Variants in PHF24 observed in about 807,000 individuals in gnomAD.
PHF24 encodes the protein Galpha inhibitory interacting protein.
Under a neutral mutation model 42.6 loss-of-function variants are expected in PHF24, and 25 were observed. That is an observed-to-expected ratio of 0.59 (90% CI 0.43 to 0.82). PHF24 has a LOEUF of 0.82. Among genes scored for constraint, PHF24 ranks in the 40% least tolerant of loss-of-function variants. The probability of loss-of-function intolerance (pLI) is 0.00; values close to 1 mark genes in which losing one functional copy is unlikely to be tolerated. For synonymous variants in PHF24, 185 were observed against 204.8 expected (o/e 0.90, Z 0.83); for missense variants, 470 against 538.1 (o/e 0.87, Z 1.25).
chr9:34,976,589 G>A lies in PHF24; in HGVS notation c.698G>A (p.Arg233Gln), dbSNP rs1015605624. The A allele has an allele frequency of 1.7e-5, 27 of 1,613,998 alleles. No individual in the cohort carries two copies. Among genetic ancestry groups the A allele is most frequent in the African/African-American group, 4.0e-5 (3 of 74,932 alleles). ...CGTTACCGCCACCAAGCAGCCAAGC[G>A]GGGGGACCGTGACAGGGCCCTGAGT... The change falls in exon 5 of 8, where the codon CGG (arginine) becomes CAG (glutamine). Residue 233 changes from arginine (R) to glutamine (Q), a missense_variant. Transcript: ENST00000242315.
At chr9:34,711,982 G>C in the PHF24 span, among the ~76,000 whole-genome samples, 1 of 152,142 alleles carries the variant, frequency 6.6e-6, no homozygotes, top group East Asian at 1.9e-4. Context: ...TCTCCCGTTA[G>C]CTTTTCTTGT....
rs573629971 is a variant in PHF24, at chr9:34,977,009, G to A, written c.850-74G>A. ...TAAGGGAGGTTGCAAAGGTGGTAAT[G>A]GAGATAGGATTCTCTATGGCTTGGC... On this transcript the variant is annotated intron_variant, in intron 5 of 7. Coordinates refer to ENST00000242315, the Ensembl canonical transcript of PHF24. 6 of 1,481,234 alleles carry A rather than the reference G, an allele frequency of 4.1e-6. No homozygotes were observed. In the African/African-American group the frequency reaches 4.2e-5, roughly 10 times the overall value. 91.8% of individuals were successfully genotyped at this position (1,481,234 alleles called of 1,614,324 possible).
chr9:34,883,977 A>G, the PHF24 span, among the ~76,000 whole-genome samples: 1 of 152,248 alleles, frequency 6.6e-6, no homozygotes, highest in Admixed American at 6.5e-5. Context: ...AATGTCCATC[A>G]GTGATAGACT....
At chr9:34,870,046 T>A in the PHF24 span, among the ~76,000 whole-genome samples, 1 of 152,162 alleles carries the variant, frequency 6.6e-6, no homozygotes, top group Non-Finnish European at 1.5e-5. Context: ...GTTGTTTTTT[T>A]AAATTAATAA....
At chr9:34,666,036 C>T in the PHF24 span, 4 of 320,766 alleles carry the variant, frequency 1.2e-5, no homozygotes, top group Non-Finnish European at 2.3e-5. Context: ...CCTGGCTCCA[C>T]CCCGGAAACG....
chr9:34,666,900 G>A, the PHF24 span, among the ~76,000 whole-genome samples: 1 of 152,124 alleles, frequency 6.6e-6, no homozygotes, highest in South Asian at 2.1e-4. Flanking sequence ...AGCTGAGATC[G>A]CACCACTGCA....
At chr9:34,676,554 G>T in the PHF24 span, among the ~76,000 whole-genome samples, 4 of 152,178 alleles carry the variant, frequency 2.6e-5, no homozygotes, top group African/African-American at 9.7e-5. Flanking sequence ...CTACTTCTGG[G>T]TTCCAGGCTG....
At chr9:34,741,751 C>T in the PHF24 span, among the ~76,000 whole-genome samples, 2 of 152,228 alleles carry the variant, frequency 1.3e-5, no homozygotes, top group Non-Finnish European at 2.9e-5. Context: ...CTTCTATTTG[C>T]TTTTCATCCT....
At chr9:34,802,726 G>A in the PHF24 span, among the ~76,000 whole-genome samples, 3 of 152,178 alleles carry the variant, frequency 2.0e-5, no homozygotes, top group African/African-American at 4.8e-5. Context: ...AATTCCCTAT[G>A]TGGACAGGAT....
chr9:34,892,192 A>G, the PHF24 span, among the ~76,000 whole-genome samples: 1 of 152,146 alleles, frequency 6.6e-6, no homozygotes, highest in Non-Finnish European at 1.5e-5. Context: ...GCTGAAAGAG[A>G]GGAGAGGGTA....
chr9:34,933,917 G>A, the PHF24 span, among the ~76,000 whole-genome samples: 12 of 151,612 alleles, frequency 7.9e-5, no homozygotes, highest in African/African-American at 2.9e-4. Flanking sequence ...GCTAATTTTT[G>A]TACTTTTAGT....
chr9:34,915,031 T>C, the PHF24 span, among the ~76,000 whole-genome samples: 18 of 136,666 alleles, frequency 1.3e-4, no homozygotes, highest in South Asian at 2.5e-4. Context: ...CTTTTCTTTT[T>C]TTTTTTTTTT....
chr9:34,875,940 ACACACACACACT>A, the PHF24 span, among the ~76,000 whole-genome samples: 472 of 89,296 alleles, frequency 5.3e-3, 1 homozygote, highest in African/African-American at 0.02. Context: ...ACACACACAC[ACACACACACACT>A]CTCTCTCTCT....
chr9:34,976,493 TGAGG>T (rs1827189779), intron 4 of PHF24, 38 bp from the exon 5 acceptor site: 1 of 1,583,516 alleles, frequency 6.3e-7, no homozygotes, highest in Admixed American at 1.7e-5. Context: ...GCCCTGAGGC[TGAGG>T]AAGGATGGGC....
chr9:34,923,397 A>G, the PHF24 span, among the ~76,000 whole-genome samples: 25 of 152,154 alleles, frequency 1.6e-4, no homozygotes, highest in Non-Finnish European at 3.2e-4. Flanking sequence ...TCTGAGTAGG[A>G]TTGGTATTAG....
the PHF24 span, among the ~76,000 whole-genome samples, chr9:34,814,394 T>G: frequency 2.0e-5 from 3 of 152,216 alleles, no homozygotes; most frequent in Non-Finnish European, 4.4e-5. Context: ...CAGCGTTATA[T>G]TTACAACAAG....
chr9:34,685,139 G>A, the PHF24 span, among the ~76,000 whole-genome samples: 1 of 151,984 alleles, frequency 6.6e-6, no homozygotes, highest in South Asian at 2.1e-4. Context: ...CCGATCAGAC[G>A]CCTGGCCCCA....
chr9:34,884,984 A>C, the PHF24 span, among the ~76,000 whole-genome samples: 1 of 152,164 alleles, frequency 6.6e-6, no homozygotes, highest in Non-Finnish European at 1.5e-5. Context: ...CACCCACCCT[A>C]AACCAAGATG....
the PHF24 span, among the ~76,000 whole-genome samples, chr9:34,770,463 A>G: frequency 5.9e-5 from 9 of 152,312 alleles, no homozygotes; most frequent in African/African-American, 1.9e-4. Flanking sequence ...TTTTAGAAGT[A>G]TTTATTATTA....
Sources: gnomAD v4.1 joint callset for allele counts (sites outside exome capture counted in the v4.1 genomes callset) on GRCh38, gnomAD v4.1.1 for gene constraint, MANE v1.5 for transcripts, NCBI Gene and HGNC (gene_info 2026-07-23, HGNC 2026-07-21) for gene names.